ARMC2: variants seen among roughly 807,000 people sequenced by gnomAD.
ARMC2 encodes armadillo repeat-containing protein 2.
A neutral mutation model predicts 90.3 loss-of-function variants in ARMC2; 67 were observed. The observed-to-expected ratio is 0.74, with a 90% confidence interval of 0.61 to 0.91. The LOEUF is 0.91. Among genes scored for constraint, ARMC2 ranks in the 40% least tolerant of loss-of-function variants. ARMC2 has a pLI of 0.00. For missense variants in ARMC2, 920 were observed against 1,030.9 expected, an observed-to-expected ratio of 0.89 and a Z score of 1.47; for synonymous variants, 393 against 393.0, an observed-to-expected ratio of 1.00 and a Z score of 0.00.
In ARMC2 at chr6:108,848,834, C is replaced by CA. The variant is rs1414203384; in HGVS notation, c.-44+289dup. 4 of 152,374 alleles carry CA rather than the reference C, an allele frequency of 2.6e-5. No homozygotes were observed. The East Asian group carries it at 7.7e-4, about 29-fold the overall frequency. The allele number at this position is 152,374 out of a possible 1,614,324, so 9.4% of individuals were successfully genotyped here. ...GTCCGAGCGGGAGGTGAGGTGTCCC[C>CA]AGCGGCTCCCCAGGGACCCTTCCTG... On this transcript the variant is annotated intron_variant, in intron 1 of 17. Coordinates refer to ENST00000392644, the MANE Select transcript of ARMC2 (RefSeq NM_032131.6).
At chr6:109,000,724 A>C in the ARMC2 span, 1 of 1,330,032 alleles carries the variant, frequency 7.5e-7, no homozygotes, top group Non-Finnish European at 9.8e-7. Flanking sequence ...CTTGAACTAC[A>C]TATCCTTTTT....
chr6:108,898,280 TTCTC>T (rs141987868), intron 6 of ARMC2, among the ~76,000 whole-genome samples: 2 of 151,536 alleles, frequency 1.3e-5, no homozygotes, highest in East Asian at 1.9e-4. Flanking sequence ...TCTCTGTCTC[TTCTC>T]TCTCTCTCTC....
chr6:108,994,407 A>G, the ARMC2 span: 1 of 1,446,030 alleles, frequency 6.9e-7, no homozygotes, highest in South Asian at 1.3e-5. Flanking sequence ...TAAATTCTCT[A>G]AATAAAAAGT....
intron 15 of ARMC2, among the ~76,000 whole-genome samples, chr6:108,962,974 G>A (rs1170169720): frequency 6.6e-6 from 1 of 152,044 alleles, no homozygotes; most frequent in Non-Finnish European, 1.5e-5. Flanking sequence ...CCTCTAGGCT[G>A]GGAGACAGAG....
intron 3 of ARMC2, among the ~76,000 whole-genome samples, chr6:108,865,709 C>T (rs1334479017): frequency 6.6e-6 from 1 of 152,026 alleles, no homozygotes; most frequent in Non-Finnish European, 1.5e-5. Context: ...CTTTCCAAAC[C>T]ATATTTTCAC....
chr6:108,990,573 G>T, the ARMC2 span: 2 of 1,347,788 alleles, frequency 1.5e-6, no homozygotes, highest in Non-Finnish European at 2.1e-6. Context: ...CTATGTGCAT[G>T]TGCGCTCCAA....
intron 10 of ARMC2, among the ~76,000 whole-genome samples, chr6:108,922,260 G>GC (rs908332263): frequency 5.9e-5 from 9 of 151,912 alleles, no homozygotes; most frequent in African/African-American, 1.7e-4. Context: ...AGTCCGGAGG[G>GC]CCCCCCCACC....
the ARMC2 span, chr6:108,994,677 C>G: frequency 1.2e-6 from 1 of 807,360 alleles, no homozygotes; most frequent in Non-Finnish European, 1.8e-6. Flanking sequence ...TCTTTTAAGT[C>G]TGTCTCATAA....
chr6:108,899,855 T>A, intron 7 of ARMC2, 63 bp downstream of exon 7: 1 of 1,224,274 alleles, frequency 8.2e-7, no homozygotes, highest in Non-Finnish European at 1.2e-6. Context: ...TACCTGTAGT[T>A]ATTTATGTGT....
chr6:108,864,210 C>T lies in ARMC2; in HGVS notation c.292-4614C>T, dbSNP rs376856075. On this transcript the variant is annotated intron_variant, in intron 3 of 17. Transcript: ENST00000392644. Reference sequence around the variant, plus strand: ...TTAATAGAAATGCACACAGAACTGCCGCGTCACAAAGGTTCTGTGCTTGTG... The same window carrying T: ...TTAATAGAAATGCACACAGAACTGCTGCGTCACAAAGGTTCTGTGCTTGTG... Among the ~76,000 whole-genome samples the T allele has an allele frequency of 1.1e-3, 174 of 151,546 alleles. 1 individual carries two copies. The highest frequency in any genetic ancestry group is 0.01 in the Middle Eastern group (3 of 288).
In ARMC2 at chr6:108,904,398, T is replaced by A. The variant is rs1311511075; in HGVS notation, c.1016T>A (p.Ile339Asn). ...DSLSLKLAKIILALKVSRKNL... is the reference protein window; with the variant it reads ...DSLSLKLAKINLALKVSRKNL... ...CTCAGCCTTAAACTTGCAAAAATAA[T>A]TCTAGCAGTAAGTTTTTCTTTCCTC... Residue 339 changes from isoleucine (I) to asparagine (N), a missense_variant, in exon 8 of 18, where the codon ATT (isoleucine) becomes AAT (asparagine). Transcript: ENST00000392644. 2.7e-5 allele frequency: 44 copies of A among 1,601,406 alleles called. No individual in the cohort carries two copies. Among genetic ancestry groups the A allele is most frequent in the Non-Finnish European group, 3.7e-5 (44 of 1,176,116 alleles).
chr6:108,900,661 C>T (rs2128461778), intron 7 of ARMC2, among the ~76,000 whole-genome samples: 1 of 152,304 alleles, frequency 6.6e-6, no homozygotes, highest in South Asian at 2.1e-4. Context: ...TGACCTCACC[C>T]CTCCTCTGCT....
At chr6:109,028,556 G>C in the ARMC2 span, among the ~76,000 whole-genome samples, 281 of 152,226 alleles carry the variant, frequency 1.8e-3, 1 homozygote, top group Admixed American at 5.5e-3. Flanking sequence ...TTCTTCCAGA[G>C]ACCAGTGCCT....
At chr6:108,933,707 A>G (rs1775755817) in intron 11 of ARMC2, among the ~76,000 whole-genome samples, 1 of 152,142 alleles carries the variant, frequency 6.6e-6, no homozygotes, top group Admixed American at 6.5e-5. Context: ...ACTATGCTGC[A>G]TAGGAATGGT....
the ARMC2 span, among the ~76,000 whole-genome samples, chr6:109,029,087 CCTTCT>C: frequency 1.3e-5 from 2 of 152,102 alleles, no homozygotes; most frequent in African/African-American, 4.8e-5. Context: ...TACTTTTCTA[CCTTCT>C]CTTCTTAAGG....
the ARMC2 span, among the ~76,000 whole-genome samples, chr6:109,043,468 C>A: frequency 6.6e-6 from 1 of 152,156 alleles, no homozygotes; most frequent in Non-Finnish European, 1.5e-5. Flanking sequence ...CATAGAAAAT[C>A]CCAAGGAATT....
At chr6:108,906,276 C>A (rs1772689718) in intron 8 of ARMC2, among the ~76,000 whole-genome samples, 1 of 152,010 alleles carries the variant, frequency 6.6e-6, no homozygotes, top group Non-Finnish European at 1.5e-5. Flanking sequence ...GGGAAAAAAT[C>A]TAGCGCCCTA....
chr6:108,976,798 C>G (rs1339985835), downstream of ARMC2, among the ~76,000 whole-genome samples: 3 of 152,178 alleles, frequency 2.0e-5, no homozygotes, highest in Admixed American at 6.5e-5. Context: ...ATTTGGCTCT[C>G]TGTTTGTCTG....
At chr6:108,880,973 A>G (rs544809145) in intron 5 of ARMC2, among the ~76,000 whole-genome samples, 2 of 151,956 alleles carry the variant, frequency 1.3e-5, no homozygotes, top group Non-Finnish European at 2.9e-5. Flanking sequence ...CTCCTGCCTC[A>G]GCCTGCCCTG....
Sources: allele counts gnomAD v4.1 joint callset (sites outside exome capture counted in the v4.1 genomes callset), GRCh38; gene constraint gnomAD v4.1.1; transcripts MANE v1.5; gene names NCBI Gene and HGNC (gene_info 2026-07-23, HGNC 2026-07-21).